The following MMP26 variants were observed in gnomAD, a reference collection of about 807,000 sequenced individuals.
The protein encoded by MMP26 is matrix metalloproteinase-26.
MMP26 carries 33 observed loss-of-function variants against 31.0 expected under a neutral mutation model. The ratio of observed to expected loss-of-function variants is 1.06; its 90% confidence interval spans 0.81 to 1.42. MMP26 has a LOEUF of 1.42. MMP26 is among the 40% of genes most tolerant of loss of function. The probability of loss-of-function intolerance (pLI) is 0.00; values close to 1 mark genes in which losing one functional copy is unlikely to be tolerated. For missense variants in MMP26, 347 were observed against 316.1 expected (o/e 1.10, Z -0.74); for synonymous variants, 122 against 114.9 (o/e 1.06, Z -0.40).
In MMP26 at chr11:4,819,507, A is replaced by G. The variant is rs569843589; in HGVS notation, c.-145+52166A>G. Among the ~76,000 whole-genome samples, 4 of 151,700 alleles carry G rather than the reference A, an allele frequency of 2.6e-5. No homozygotes were observed. In the South Asian group the frequency reaches 8.3e-4, roughly 32 times the overall value. ...TAATGAGGGAGAGAAAATTTCCAGA[A>G]TCATCAACAAAATATGTATTGTTGA... On this transcript the variant is annotated intron_variant, in intron 2 of 7. Transcript: ENST00000380390.
intron 1 of MMP26, among the ~76,000 whole-genome samples, chr11:4,714,555 A>T (rs1398183540): frequency 1.3e-5 from 2 of 152,172 alleles, no homozygotes; most frequent in African/African-American, 4.8e-5. Flanking sequence ...TTGCAATGTT[A>T]TCTTGTTTAA....
At chr11:4,767,427 C>T (rs1330786174) in intron 2 of MMP26, 86 bp downstream of exon 2, 2 of 152,126 alleles carry the variant, frequency 1.3e-5, no homozygotes, top group African/African-American at 2.4e-5. Context: ...GTTTTACACA[C>T]ACAAGATTTT....
chr11:4,854,585 C>T (rs1380015370), intron 2 of MMP26, among the ~76,000 whole-genome samples: 1 of 152,178 alleles, frequency 6.6e-6, no homozygotes, highest in Non-Finnish European at 1.5e-5. Context: ...TGGGTGGAAC[C>T]CACCTCAGCT....
chr11:4,928,584 G>T (rs1172850834), intron 2 of MMP26, among the ~76,000 whole-genome samples: 1 of 152,072 alleles, frequency 6.6e-6, no homozygotes, highest in Admixed American at 6.6e-5. Flanking sequence ...CAGTTTCCAG[G>T]ATTGGAATTA....
At chr11:4,988,522 C>G (rs1211059871) in intron 3 of MMP26, among the ~76,000 whole-genome samples, 1 of 151,902 alleles carries the variant, frequency 6.6e-6, no homozygotes, top group Non-Finnish European at 1.5e-5. Context: ...TGTTTTTGGG[C>G]CCTAGGCACT....
intron 1 of MMP26, chr11:4,752,992 G>A (rs1212312530): frequency 6.6e-6 from 1 of 152,132 alleles, no homozygotes; most frequent in East Asian, 1.9e-4. Context: ...GCCTTTGGGA[G>A]CAGAATTCTC....
chr11:4,799,246 T>A (rs1849149225), intron 2 of MMP26, among the ~76,000 whole-genome samples: 1 of 151,936 alleles, frequency 6.6e-6, no homozygotes, highest in Non-Finnish European at 1.5e-5. Context: ...GGCTGCAGAC[T>A]GTACGAGCAT....
At position 4,743,774 on chromosome 11, in the gene MMP26, G is replaced by C. The variant is rs541365881; in HGVS notation, c.-216-23496G>C. 8.0e-4 allele frequency among the ~76,000 whole-genome samples: 121 copies of C among 152,184 alleles called. 1 individual carries two copies. Among genetic ancestry groups the C allele is most frequent in the Middle Eastern group, 3.4e-3 (1 of 294 alleles). On this transcript the variant is annotated intron_variant, in intron 1 of 7. Transcript: ENST00000380390. ...CATTATTTTAACAACAGAATTATAC[G>C]TTAATGAGTCAAATTCAATTTTTGG...
In MMP26 at chr11:4,723,973, G is replaced by C. The variant is rs541944985; in HGVS notation, c.-217+18928G>C. The C allele has an allele frequency of 3.0e-5, 22 of 743,322 alleles. No homozygotes were observed. In the South Asian group the frequency reaches 3.1e-4, roughly 11 times the overall value. The allele number at this position is 743,322 out of a possible 1,614,324, so 46.0% of individuals were successfully genotyped here. On this transcript the variant is annotated intron_variant, in intron 1 of 7. Transcript: ENST00000380390. ...GGGACTCAGCAGGTTCTGGTTGACT[G>C]TGTCAGTGGTGATGCCTCCCATGCC...
chr11:4,954,423 C>A (rs2898971), intron 2 of MMP26, among the ~76,000 whole-genome samples: 48,884 of 123,476 alleles, frequency 0.4, 17,386 homozygotes, highest in South Asian at 0.55. Flanking sequence ...TTGGGTCTAG[C>A]AGTAAAAGAA....
At chr11:4,851,242 A>G (rs1280154867) in intron 2 of MMP26, among the ~76,000 whole-genome samples, 1 of 152,162 alleles carries the variant, frequency 6.6e-6, no homozygotes, top group Non-Finnish European at 1.5e-5. Flanking sequence ...GTGGTCAGAT[A>G]AGGAAACCCC....
At chr11:4,841,188 G>A (rs1020962679) in intron 2 of MMP26, among the ~76,000 whole-genome samples, 6 of 152,094 alleles carry the variant, frequency 3.9e-5, no homozygotes, top group Admixed American at 3.9e-4. Flanking sequence ...GCCTCAAAGG[G>A]CAATTCTAAG....
intron 2 of MMP26, among the ~76,000 whole-genome samples, chr11:4,800,552 A>C (rs1279710686): frequency 6.6e-6 from 1 of 152,084 alleles, no homozygotes; most frequent in Non-Finnish European, 1.5e-5. Flanking sequence ...TGCCTTCAAG[A>C]CCTTTTTTCC....
intron 1 of MMP26, among the ~76,000 whole-genome samples, chr11:4,740,670 T>C (rs1426111438): frequency 7.1e-6 from 1 of 141,072 alleles, no homozygotes; most frequent in Non-Finnish European, 1.5e-5. Context: ...GCAACAAGAG[T>C]GAGACTCTGT....
rs140828720 is a variant in MMP26 at position 4,803,533 on chromosome 11, T to A, written c.-145+36192T>A. The A allele has an allele frequency of 2.6e-4, 413 of 1,613,882 alleles. 2 individuals are homozygous for A. In the African/African-American group the frequency reaches 4.7e-3, roughly 18 times the overall value. On this transcript the variant is annotated intron_variant, in intron 2 of 7. Coordinates refer to ENST00000380390, the MANE Select transcript of MMP26 (RefSeq NM_021801.5). ...GTTGAGCATGGGAGGTATCAGTAGA[T>A]AGAGATTAGCAAACAGGATGTGTAC... is the stretch of plus-strand genomic sequence containing the variant.
intron 2 of MMP26, among the ~76,000 whole-genome samples, chr11:4,835,070 C>T (rs1448500713): frequency 1.3e-5 from 2 of 151,998 alleles, no homozygotes; most frequent in Non-Finnish European, 2.9e-5. Context: ...TCCCACTACT[C>T]ACAGTGTGAA....
chr11:4,927,736 G>A (rs1375897946), intron 2 of MMP26, among the ~76,000 whole-genome samples: 1 of 152,108 alleles, frequency 6.6e-6, no homozygotes, highest in African/African-American at 2.4e-5. Flanking sequence ...TAGACTCAAG[G>A]TCTTTTTGAA....
chr11:4,803,057 A>G (rs971564996), intron 2 of MMP26, among the ~76,000 whole-genome samples: 3 of 152,166 alleles, frequency 2.0e-5, no homozygotes, highest in African/African-American at 7.2e-5. Flanking sequence ...ATTTGATGTA[A>G]ATTTCTAAAT....
intron 4 of MMP26, 37 bp downstream of exon 4, chr11:4,989,905 G>A (rs1475004009): frequency 6.5e-7 from 1 of 1,544,612 alleles, no homozygotes; most frequent in Non-Finnish European, 8.8e-7. Context: ...AATGTGTGGG[G>A]TGATGACCTC....
Sources: gnomAD v4.1 joint callset for allele counts (sites outside exome capture counted in the v4.1 genomes callset) on GRCh38, gnomAD v4.1.1 for gene constraint, MANE v1.5 for transcripts, NCBI Gene and HGNC (gene_info 2026-07-23, HGNC 2026-07-21) for gene names.